The following CDON variants were observed in gnomAD, a reference collection of about 807,000 sequenced individuals.
The protein encoded by CDON is cell adhesion molecule-related/down-regulated by oncogenes.
CDON carries 73 observed loss-of-function variants against 120.9 expected under a neutral mutation model. The observed-to-expected ratio is 0.60, with a 90% CI of 0.50 to 0.73. The LOEUF is 0.73. Ranked by LOEUF, CDON falls within the 30% of genes least tolerant of loss-of-function variation. The probability of loss-of-function intolerance (pLI) is 0.00; values close to 1 mark genes in which losing one functional copy is unlikely to be tolerated. For missense variants in CDON, 1,470 were observed against 1,587.3 expected, an observed-to-expected ratio of 0.93 and a Z score of 1.26; for synonymous variants, 566 against 573.5, an observed-to-expected ratio of 0.99 and a Z score of 0.19.
In CDON at chr11:125,961,847, G is replaced by A; in HGVS notation, c.3508C>T (p.Gln1170Ter). ...CLTSAVPDCG[Q>*]LPEESVKDNV... Reference sequence around the variant, plus strand: ...TCCTTGACGCTCTCCTCCGGCAACTGGCCACAATCAGGGACTGCGGAAGTC... The same window carrying A: ...TCCTTGACGCTCTCCTCCGGCAACTAGCCACAATCAGGGACTGCGGAAGTC... Residue 1170 changes from glutamine (Q) to a stop codon, truncating the protein, a stop_gained, in exon 19 of 20, where the codon CAG (glutamine) becomes TAG (stop). Transcript: ENST00000531738. LOFTEE classifies it high-confidence loss of function. 2 of 1,614,184 alleles carry A rather than the reference G, an allele frequency of 1.2e-6. No homozygotes were observed. Among genetic ancestry groups the A allele is most frequent in the Non-Finnish European group, 8.5e-7 (1 of 1,180,020 alleles).
intron 14 of CDON, among the ~76,000 whole-genome samples, chr11:125,993,374 C>T (rs550748077): frequency 7.5e-6 from 1 of 133,126 alleles, no homozygotes; most frequent in South Asian, 2.5e-4. Context: ...CTGTCTCTCA[C>T]ACACACATGC....
intron 8 of CDON, among the ~76,000 whole-genome samples, chr11:126,006,593 G>A (rs1028133725): frequency 6.6e-6 from 1 of 152,152 alleles, no homozygotes; most frequent in Non-Finnish European, 1.5e-5. Context: ...ACCTGAGCCT[G>A]GGAAGGTTGA....
intron 7 of CDON, 26 bp from the exon 8 acceptor site, chr11:126,010,720 A>T (rs1171927481): frequency 6.3e-7 from 1 of 1,577,276 alleles, no homozygotes; most frequent in Non-Finnish European, 8.7e-7. Context: ...TTCACATATG[A>T]AAAATGAAGA....
intron 18 of CDON, among the ~76,000 whole-genome samples, chr11:125,967,233 G>A (rs1379816810): frequency 6.6e-6 from 1 of 152,184 alleles, no homozygotes; most frequent in Non-Finnish European, 1.5e-5. Flanking sequence ...GTATTGTCTG[G>A]AAAGTCGTAA....
At chr11:125,988,664 GT>G (rs1390984917) in intron 15 of CDON, among the ~76,000 whole-genome samples, 1 of 152,188 alleles carries the variant, frequency 6.6e-6, no homozygotes. Flanking sequence ...TGGACGAGTG[GT>G]TTTGCTCGTA....
chr11:126,019,356 AC>A (rs1471653519), intron 4 of CDON, among the ~76,000 whole-genome samples: 1 of 152,218 alleles, frequency 6.6e-6, no homozygotes, highest in Non-Finnish European at 1.5e-5. Flanking sequence ...GCCAGAGAGC[AC>A]CAGGCATATT....
chr11:126,048,339 T>G (rs1948461056), intron 1 of CDON, among the ~76,000 whole-genome samples: 1 of 151,522 alleles, frequency 6.6e-6, no homozygotes, highest in Non-Finnish European at 1.5e-5. Context: ...CAGTGTAGAC[T>G]AATGATTTAC....
Position 125,960,917 on chromosome 11 carries a change from A to G in CDON, c.*25T>C, listed in dbSNP as rs1591538293. Reference sequence around the variant, plus strand: ...TGTGCAGTTACCGGCTTGAAGTTGGAACATGACTGGTTGTTTGCATGTCCT... The same window carrying G: ...TGTGCAGTTACCGGCTTGAAGTTGGGACATGACTGGTTGTTTGCATGTCCT... On this transcript the variant is annotated 3_prime_UTR_variant, in exon 20 of 20. Transcript: ENST00000531738. 1 of 1,612,904 alleles carries G rather than the reference A, an allele frequency of 6.2e-7. No individual in the cohort carries two copies. Among genetic ancestry groups the G allele is most frequent in the African/African-American group, 1.3e-5 (1 of 75,032 alleles).
intron 7 of CDON, among the ~76,000 whole-genome samples, chr11:126,011,342 ATGTC>A (rs1231577203): frequency 2.0e-5 from 3 of 152,176 alleles, no homozygotes; most frequent in African/African-American, 7.2e-5. Context: ...TTTCTCTAGC[ATGTC>A]TGTCTTTTTC....
In CDON at chr11:126,006,069, G is replaced by T; in HGVS notation, c.1553-12C>A. On this transcript the variant is annotated splice_polypyrimidine_tract_variant and intron_variant, in intron 8 of 19. Transcript: ENST00000531738. ...TGTTTCAAAAGGAACTGCAGGGAGA[G>T]AGAGAGGAGACAGCTTGAAGATACT... 6.2e-7 allele frequency: 1 copy of T among 1,612,762 alleles called. No individual in the cohort carries two copies. Among genetic ancestry groups the T allele is most frequent in the South Asian group, 1.1e-5 (1 of 91,038 alleles).
At position 126,010,451 on chromosome 11, in the gene CDON, C is replaced by A. The variant is rs745982695; in HGVS notation, c.1442G>T (p.Gly481Val). 6.2e-6 allele frequency: 10 copies of A among 1,614,134 alleles called. No homozygotes were observed. The Admixed American group carries it at 1.3e-4, about 22-fold the overall frequency. ...EPVYFVLSQAGASSLHIQAVT... is the reference protein window; with the variant it reads ...EPVYFVLSQAVASSLHIQAVT... ...AGCCTGAATATGGAGAGAGCTTGCACCAGCTTGGGACAGGACGAAGTACAC... is the reference window on the plus strand; with the variant it reads ...AGCCTGAATATGGAGAGAGCTTGCAACAGCTTGGGACAGGACGAAGTACAC... Residue 481 changes from glycine to valine, a missense_variant, in exon 8 of 20, where the codon GGT (glycine) becomes GTT (valine). Gly to Val is a moderately radical substitution (Grantham distance 109, BLOSUM62 -3). Coordinates refer to ENST00000531738, the MANE Select transcript of CDON (RefSeq NM_001378964.1).
chr11:125,995,138 G>A, intron 12 of CDON, 86 bp from the exon 13 acceptor site: 1 of 1,138,570 alleles, frequency 8.8e-7, no homozygotes, highest in Non-Finnish European at 1.3e-6. Flanking sequence ...AGGCAGAATA[G>A]TCAAAATATG....
In CDON at chr11:126,043,089, G is replaced by T. The variant is rs61917841; in HGVS notation, c.-62+19490C>A. Among the ~76,000 whole-genome samples, 966 of 152,336 alleles carry T rather than the reference G, an allele frequency of 6.3e-3. 4 individuals are homozygous for T. The highest frequency in any genetic ancestry group is 0.011 in the Non-Finnish European group (761 of 68,034). On this transcript the variant is annotated intron_variant, in intron 1 of 19. Transcript: ENST00000531738. ...TCGCTTTGACCTTTTCTGCATGGCA[G>T]GTGGGAAACTGGCTGTCCGCAACAA...
chr11:126,024,160 G>C (rs11600014), intron 1 of CDON, among the ~76,000 whole-genome samples: 15,796 of 152,288 alleles, frequency 0.1, 1,049 homozygotes, highest in Middle Eastern at 0.24. Flanking sequence ...AATGGATGAA[G>C]CCAGAGAGGC....
chr11:125,972,242 AT>A (rs111640213), intron 18 of CDON, among the ~76,000 whole-genome samples: 34,879 of 152,036 alleles, frequency 0.23, 4,399 homozygotes, highest in South Asian at 0.3. Flanking sequence ...CCTAGCCAAC[AT>A]GGCAAAACTC....
At chr11:126,032,107 T>G (rs986221006) in intron 1 of CDON, among the ~76,000 whole-genome samples, 1 of 152,132 alleles carries the variant, frequency 6.6e-6, no homozygotes, top group African/African-American at 2.4e-5. Flanking sequence ...GCAGAATTTT[T>G]AGGAAATAAA....
intron 11 of CDON, among the ~76,000 whole-genome samples, chr11:125,998,829 G>A (rs1278320811): frequency 6.6e-6 from 1 of 152,146 alleles, no homozygotes; most frequent in Non-Finnish European, 1.5e-5. Flanking sequence ...TTGGCATGCT[G>A]ACAATCAAGT....
At position 125,981,092 on chromosome 11, in the gene CDON, G is replaced by T. The variant is rs1946281047; in HGVS notation, c.3233C>A (p.Thr1078Asn). ...ATGTTCAAAATCCACGTGTGTCCTG[G>T]TTAGAGAGTTGCTGTGCCCGGAGTA... ...GLYSGHSNSL[T>N]RTHVDFEHPH... The change falls in exon 17 of 20, where the codon ACC becomes AAC. Residue 1078 changes from threonine to asparagine, a missense_variant. Thr to Asn is a moderately conservative substitution (Grantham distance 65). Coordinates refer to ENST00000531738, the MANE Select transcript of CDON (RefSeq NM_001378964.1). The T allele has an allele frequency of 6.2e-7, 1 of 1,614,150 alleles. No homozygotes were observed. Among genetic ancestry groups the T allele is most frequent in the East Asian group, 2.2e-5 (1 of 44,884 alleles).
intron 6 of CDON, among the ~76,000 whole-genome samples, chr11:126,016,871 G>A (rs1947483049): frequency 1.3e-5 from 2 of 152,084 alleles, no homozygotes; most frequent in Non-Finnish European, 2.9e-5. Context: ...GAGGTTGGGG[G>A]TGAGGTTCCG....
Sources: allele counts gnomAD v4.1 joint callset (sites outside exome capture counted in the v4.1 genomes callset), GRCh38; gene constraint gnomAD v4.1.1; transcripts MANE v1.5; gene names NCBI Gene and HGNC (gene_info 2026-07-23, HGNC 2026-07-21).